UTRN: variants seen among roughly 807,000 people sequenced by gnomAD.
The protein encoded by UTRN is utrophin.
In UTRN, 283 loss-of-function variants were observed where a neutral mutation model predicts 463.9. The observed-to-expected ratio is 0.61, with a 90% CI of 0.55 to 0.67. The LOEUF (loss-of-function observed/expected upper bound fraction) is 0.67, where lower values mean the gene tolerates loss of function less well. UTRN is among the 30% of genes least tolerant of loss of function. The probability of loss-of-function intolerance (pLI) is 0.00; values close to 1 mark genes in which losing one functional copy is unlikely to be tolerated. For synonymous variants in UTRN, 1,442 were observed against 1,431.5 expected, an observed-to-expected ratio of 1.01 and a Z score of -0.17; for missense variants, 3,922 against 4,084.3, an observed-to-expected ratio of 0.96 and a Z score of 1.08.
intron 44 of UTRN, among the ~76,000 whole-genome samples, chr6:144,538,511 C>A (rs1372185773): frequency 2.7e-5 from 4 of 149,850 alleles, no homozygotes; most frequent in Non-Finnish European, 3.0e-5. Context: ...TATAAAAATA[C>A]AAAAAAAAAT....
chr6:144,526,447 T>C (rs1018315107), intron 41 of UTRN, among the ~76,000 whole-genome samples: 13 of 152,334 alleles, frequency 8.5e-5, no homozygotes, highest in African/African-American at 2.6e-4. Context: ...TTCTTTGTCT[T>C]TTTTAACTGC....
chr6:144,454,074 G>A (rs946940729), intron 19 of UTRN, among the ~76,000 whole-genome samples: 2 of 152,124 alleles, frequency 1.3e-5, no homozygotes, highest in Non-Finnish European at 2.9e-5. Context: ...TAAAAGCAAA[G>A]TTGTTCTGAT....
chr6:144,323,052 A>G (rs2114587891), intron 2 of UTRN, among the ~76,000 whole-genome samples: 1 of 152,284 alleles, frequency 6.6e-6, no homozygotes, highest in East Asian at 1.9e-4. Context: ...AGCAGGATAC[A>G]CATAGGGAAA....
intron 58 of UTRN, among the ~76,000 whole-genome samples, chr6:144,763,350 T>C (rs1027560022): frequency 5.9e-5 from 9 of 152,200 alleles, no homozygotes; most frequent in Admixed American, 1.3e-4. Flanking sequence ...TTTCCATTCT[T>C]GTGCCCATTA....
intron 50 of UTRN, among the ~76,000 whole-genome samples, chr6:144,573,364 C>T (rs1801133229): frequency 6.6e-6 from 1 of 151,346 alleles, no homozygotes; most frequent in Admixed American, 6.6e-5. Flanking sequence ...CCAGCCTGGC[C>T]AACATGGTGA....
At chr6:144,313,361 A>G (rs1175807816) in intron 2 of UTRN, among the ~76,000 whole-genome samples, 1 of 152,010 alleles carries the variant, frequency 6.6e-6, no homozygotes, top group African/African-American at 2.4e-5. Context: ...TACTGAAAAA[A>G]AAAAAAAGAA....
chr6:144,682,446 G>T (rs1782296333), intron 52 of UTRN, among the ~76,000 whole-genome samples: 1 of 152,188 alleles, frequency 6.6e-6, no homozygotes, highest in African/African-American at 2.4e-5. Context: ...ACAAACATGG[G>T]AGTGCAGATA....
At chr6:144,359,063 A>G (rs1400997165) in intron 2 of UTRN, among the ~76,000 whole-genome samples, 1 of 152,152 alleles carries the variant, frequency 6.6e-6, no homozygotes, top group Admixed American at 6.5e-5. Flanking sequence ...TAGTTTCAAC[A>G]TTATGGATAA....
At chr6:144,587,151 A>G (rs1802542764) in intron 51 of UTRN, among the ~76,000 whole-genome samples, 1 of 152,202 alleles carries the variant, frequency 6.6e-6, no homozygotes, top group Non-Finnish European at 1.5e-5. Flanking sequence ...GATTTTGGTG[A>G]CTAGTCATTT....
rs766449587 is a variant in UTRN, at chr6:144,730,456, G to A, written c.7909G>A (p.Glu2637Lys). The change falls in exon 54 of 75, where the codon GAG (glutamate) becomes AAG (lysine). Residue 2637 changes from glutamate (E) to lysine (K), a missense_variant. Physicochemically the swap from Glu to Lys is moderately conservative, Grantham distance 56 (BLOSUM62 1). This residue lies in a region of UTRN where 1,309 missense variants were observed against 1,452.6 expected (regional missense o/e 0.90). Transcript: ENST00000367545. ...TGATCAGCCAATTGAGGCCCCTGAA[G>A]AGCCAAGAAGAAACCTACAATCAAA... is the stretch of plus-strand genomic sequence containing the variant. ...LADQPIEAPE[E>K]PRRNLQSKTE... The A allele has an allele frequency of 1.2e-6, 2 of 1,610,118 alleles. No homozygotes were observed. Among genetic ancestry groups the A allele is most frequent in the African/African-American group, 1.3e-5 (1 of 74,628 alleles).
At chr6:144,699,988 G>T (rs1383532109) in intron 52 of UTRN, 99 bp from the exon 53 acceptor site, 1 of 1,207,716 alleles carries the variant, frequency 8.3e-7, no homozygotes, top group East Asian at 2.8e-5. Flanking sequence ...ACATTACTTG[G>T]TCAGATAAGA....
chr6:144,689,996 C>T (rs1440875906), intron 52 of UTRN, among the ~76,000 whole-genome samples: 1 of 147,906 alleles, frequency 6.8e-6, no homozygotes, highest in Non-Finnish European at 1.5e-5. Context: ...GGGATTTATG[C>T]TTTGCCTTAT....
chr6:144,822,510 A>C (rs540163032), intron 66 of UTRN, among the ~76,000 whole-genome samples: 15 of 152,260 alleles, frequency 9.9e-5, no homozygotes, highest in African/African-American at 3.6e-4. Context: ...CTTGATATCA[A>C]ACTGTGTACA....
chr6:144,571,349 G>T (rs1314759997), intron 50 of UTRN, among the ~76,000 whole-genome samples: 1 of 152,014 alleles, frequency 6.6e-6, no homozygotes, highest in African/African-American at 2.4e-5. Flanking sequence ...ATTCACCTAT[G>T]ATTACAAAAA....
intron 41 of UTRN, among the ~76,000 whole-genome samples, chr6:144,523,606 C>T (rs923642256): frequency 7.2e-5 from 11 of 152,136 alleles, no homozygotes; most frequent in Non-Finnish European, 1.3e-4. Context: ...CCACTGCACC[C>T]GGCCTTATGC....
intron 2 of UTRN, among the ~76,000 whole-genome samples, chr6:144,311,200 A>G (rs1806242580): frequency 6.6e-6 from 1 of 152,234 alleles, no homozygotes; most frequent in Admixed American, 6.5e-5. Flanking sequence ...AACGATGCGA[A>G]TACTTCACTT....
rs1317371870 is a variant in UTRN at position 144,511,104 on chromosome 6, A to C, written c.4925A>C (p.Asp1642Ala). 1 of 1,601,016 alleles carries C rather than the reference A, an allele frequency of 6.2e-7. No homozygotes were observed. The highest frequency in any genetic ancestry group is 1.7e-5 in the Admixed American group (1 of 58,814). ...GWSRVRTWTE[D>A]WCNTLMNHQN... is the part of the protein sequence containing the mutation. ...AGCCGAGTTCGTACCTGGACTGAAG[A>C]TTGGTGCAATACCTTGATGGTATGT... The change falls in exon 35 of 75, where the codon GAT becomes GCT. Residue 1642 changes from aspartate (D) to alanine (A), a missense_variant. This residue lies in a region of UTRN where 2,349 missense variants were observed against 2,303.8 expected (regional missense o/e 1.02). Coordinates refer to ENST00000367545, the MANE Select transcript of UTRN (RefSeq NM_007124.3).
intron 51 of UTRN, among the ~76,000 whole-genome samples, chr6:144,674,330 T>C (rs1402602822): frequency 1.3e-5 from 2 of 151,828 alleles, no homozygotes; most frequent in Non-Finnish European, 2.9e-5. Context: ...TCTTGGAGGC[T>C]GTTTTTTTTT....
chr6:144,601,322 T>G (rs1294571025), intron 51 of UTRN, among the ~76,000 whole-genome samples: 2 of 152,226 alleles, frequency 1.3e-5, no homozygotes, highest in Non-Finnish European at 2.9e-5. Context: ...CTGGAAATGA[T>G]TCACTGCTCT....
Sources: gnomAD v4.1 joint callset for allele counts (sites outside exome capture counted in the v4.1 genomes callset) on GRCh38, gnomAD v4.1.1 for gene constraint, gnomAD v4.1.1 regional missense constraint, MANE v1.5 for transcripts, NCBI Gene and HGNC (gene_info 2026-07-23, HGNC 2026-07-21) for gene names.